Variants in CDH7 observed in about 807,000 individuals in gnomAD.
The protein encoded by CDH7 is cadherin 7.
In CDH7, 25 loss-of-function variants were observed where a neutral mutation model predicts 71.8. The ratio of observed to expected loss-of-function variants is 0.35; its 90% CI spans 0.25 to 0.49. The LOEUF (loss-of-function observed/expected upper bound fraction) is 0.49, where lower values mean the gene tolerates loss of function less well. Among genes scored for constraint, CDH7 ranks in the 20% least tolerant of loss-of-function variants. The probability of loss-of-function intolerance (pLI) is 0.99; values close to 1 mark genes in which losing one functional copy is unlikely to be tolerated. For missense variants in CDH7, 862 were observed against 974.6 expected, an observed-to-expected ratio of 0.88 and a Z score of 1.54; for synonymous variants, 381 against 363.8, an observed-to-expected ratio of 1.05 and a Z score of -0.54.
intron 2 of CDH7, among the ~76,000 whole-genome samples, chr18:65,786,697 T>C (rs1356998229): frequency 6.6e-6 from 1 of 152,156 alleles, no homozygotes; most frequent in Non-Finnish European, 1.5e-5. Context: ...TCTCTTTTTT[T>C]CTTTGAGATA....
Position 65,767,671 on chromosome 18 carries a change from A to G in CDH7, c.210+4619A>G, listed in dbSNP as rs751940442. On this transcript the variant is annotated intron_variant, in intron 2 of 11. Coordinates refer to ENST00000397968, the MANE Select transcript of CDH7 (RefSeq NM_004361.5). Reference sequence around the variant, plus strand: ...ACAACTAGAGTCAATTTGTAAAGGCATTTGTTCTCTGTCAGTTTGCTGATA... The same window carrying G: ...ACAACTAGAGTCAATTTGTAAAGGCGTTTGTTCTCTGTCAGTTTGCTGATA... 1.6e-4 allele frequency among the ~76,000 whole-genome samples: 25 copies of G among 152,220 alleles called. 1 individual carries two copies. Among genetic ancestry groups the G allele is most frequent in the Admixed American group, 1.2e-3 (19 of 15,280 alleles).
At chr18:65,756,167 C>A (rs1477435276) in intron 1 of CDH7, among the ~76,000 whole-genome samples, 2 of 152,124 alleles carry the variant, frequency 1.3e-5, no homozygotes, top group Non-Finnish European at 2.9e-5. Flanking sequence ...AAATGTAGTT[C>A]AACCTTAAAG....
intron 2 of CDH7, among the ~76,000 whole-genome samples, chr18:65,789,283 G>A (rs1002324945): frequency 6.6e-6 from 1 of 152,052 alleles, no homozygotes; most frequent in African/African-American, 2.4e-5. Flanking sequence ...TAAATAAATG[G>A]GACTAGAGAA....
At chr18:65,790,997 G>A (rs1910693850) in intron 2 of CDH7, among the ~76,000 whole-genome samples, 2 of 152,166 alleles carry the variant, frequency 1.3e-5, no homozygotes, top group Admixed American at 6.5e-5. Context: ...ACCTTGAACA[G>A]AAAAACAATC....
intron 6 of CDH7, among the ~76,000 whole-genome samples, chr18:65,830,383 C>T (rs1002305842): frequency 5.3e-5 from 8 of 152,172 alleles, no homozygotes; most frequent in East Asian, 1.9e-4. Context: ...CTCTTGAACA[C>T]TTATTCATGG....
chr18:65,875,058 T>C (rs1022738471), intron 11 of CDH7, among the ~76,000 whole-genome samples: 4 of 152,180 alleles, frequency 2.6e-5, no homozygotes, highest in African/African-American at 9.7e-5. Context: ...TCTTAATATA[T>C]TATGAAATAT....
chr18:65,861,421 A>AAACGTTTATTATGTTTT (rs200521361), intron 10 of CDH7, among the ~76,000 whole-genome samples: 6 of 151,784 alleles, frequency 4.0e-5, no homozygotes, highest in African/African-American at 1.5e-4. Flanking sequence ...TTTTGTATCA[A>AAACGTTTATTATGTTTT]GTCATAAATG....
chr18:65,772,829 G>A (rs749963062), intron 2 of CDH7, among the ~76,000 whole-genome samples: 16 of 152,108 alleles, frequency 1.1e-4, no homozygotes, highest in Non-Finnish European at 8.8e-5. Context: ...ACATACGAGT[G>A]AGTGTGGATT....
At chr18:65,816,584 G>A (rs2143923448) in intron 4 of CDH7, among the ~76,000 whole-genome samples, 1 of 152,200 alleles carries the variant, frequency 6.6e-6, no homozygotes, top group African/African-American at 2.4e-5. Context: ...ATCACTGTTA[G>A]GTGCATTTTT....
chr18:65,861,324 CGTGTGTGTGTGTGTTTGTGT>C (rs1383129995), intron 10 of CDH7, among the ~76,000 whole-genome samples: 1 of 33,446 alleles, frequency 3.0e-5, no homozygotes, highest in African/African-American at 9.8e-5. Context: ...CTCAATTCAC[CGTGTGTGTGTGTGTTTGTGT>C]GTGTGTGTGT....
In CDH7 at chr18:65,880,534, T is replaced by C; in HGVS notation, c.1998T>C (p.Phe666=). Residue 666 remains phenylalanine (F), a synonymous_variant, in exon 12 of 12, where the codon TTT becomes TTC. Coordinates refer to ENST00000397968, the MANE Select transcript of CDH7 (RefSeq NM_004361.5). Reference sequence around the variant, plus strand: ...GGGGAGAGGAGGACACGGAAGCGTTTGACATGGCTGCACTGAGAAACCTCA... The same window carrying C: ...GGGGAGAGGAGGACACGGAAGCGTTCGACATGGCTGCACTGAGAAACCTCA... The part of the protein sequence containing the change: ...EGGGEEDTEA[F]DMAALRNLNV... The C allele has an allele frequency of 6.2e-7, 1 of 1,613,762 alleles. No individual in the cohort carries two copies. Among genetic ancestry groups the C allele is most frequent in the Non-Finnish European group, 8.5e-7 (1 of 1,179,936 alleles).
intron 7 of CDH7, 109 bp downstream of exon 7, chr18:65,844,174 G>GATGTATATATATAT: frequency 4.5e-6 from 1 of 220,090 alleles, no homozygotes; most frequent in Non-Finnish European, 8.3e-6. Flanking sequence ...ATAAAAACCA[G>GATGTATATATATAT]ATATATATAT....
intron 2 of CDH7, among the ~76,000 whole-genome samples, chr18:65,778,669 T>TC (rs1910057986): frequency 6.6e-6 from 1 of 151,344 alleles, no homozygotes. Context: ...TTATTTTCTT[T>TC]TTTTTTGTTT....
Position 65,848,345 on chromosome 18 carries a change from A to T in CDH7, c.1235+4280A>T, listed in dbSNP as rs562777214. Reference sequence around the variant, plus strand: ...TAATGAGAAAACAAAGATAAATAAAACATTTCCTCTGACCTCAAGGAACTT... The same window carrying T: ...TAATGAGAAAACAAAGATAAATAAATCATTTCCTCTGACCTCAAGGAACTT... On this transcript the variant is annotated intron_variant, in intron 7 of 11. Coordinates refer to ENST00000397968, the MANE Select transcript of CDH7 (RefSeq NM_004361.5). 8.5e-5 allele frequency among the ~76,000 whole-genome samples: 13 copies of T among 152,354 alleles called. No homozygotes were observed. In the East Asian group the frequency reaches 2.5e-3, roughly 29 times the overall value.
chr18:65,770,094 G>T (rs1396488837), intron 2 of CDH7, among the ~76,000 whole-genome samples: 2 of 152,178 alleles, frequency 1.3e-5, no homozygotes, highest in Admixed American at 1.3e-4. Flanking sequence ...AGAATCAGGA[G>T]TGTGAGCCAG....
At chr18:65,769,016 C>T (rs1410903553) in intron 2 of CDH7, among the ~76,000 whole-genome samples, 1 of 151,636 alleles carries the variant, frequency 6.6e-6, no homozygotes, top group Non-Finnish European at 1.5e-5. Flanking sequence ...AAAAAATAAA[C>T]TCTTTCATAA....
intron 4 of CDH7, among the ~76,000 whole-genome samples, chr18:65,815,840 A>G (rs1911705491): frequency 6.6e-6 from 1 of 152,196 alleles, no homozygotes; most frequent in Non-Finnish European, 1.5e-5. Context: ...CCTAAATTCA[A>G]ACACCCACCT....
chr18:65,758,898 G>A (rs890801235), intron 1 of CDH7, among the ~76,000 whole-genome samples: 4 of 152,172 alleles, frequency 2.6e-5, no homozygotes, highest in East Asian at 1.9e-4. Flanking sequence ...CTACAGATAC[G>A]ATAGGGTAGA....
At chr18:65,775,713 C>T (rs554847258) in intron 2 of CDH7, among the ~76,000 whole-genome samples, 11 of 152,256 alleles carry the variant, frequency 7.2e-5, no homozygotes, top group Admixed American at 5.9e-4. Context: ...TTGTGCTGGG[C>T]TGCATTCAGA....
Sources: allele counts gnomAD v4.1 joint callset (sites outside exome capture counted in the v4.1 genomes callset), GRCh38; gene constraint gnomAD v4.1.1; transcripts MANE v1.5; gene names NCBI Gene and HGNC (gene_info 2026-07-23, HGNC 2026-07-21).